Variants in DCST1 observed in about 807,000 individuals in gnomAD.
DCST1 encodes E3 ubiquitin-protein ligase DCST1.
Under a neutral mutation model 89.1 loss-of-function variants are expected in DCST1, and 78 were observed. The ratio of observed to expected loss-of-function variants is 0.88; its 90% CI spans 0.73 to 1.06. The LOEUF is 1.06. DCST1 is among the 50% of genes least tolerant of loss of function. The pLI is 0.00. For missense variants in DCST1, 900 were observed against 928.6 expected, an observed-to-expected ratio of 0.97 and a Z score of 0.40; for synonymous variants, 364 against 371.9, an observed-to-expected ratio of 0.98 and a Z score of 0.24.
chr1:155,040,662 C>A, intron 6 of DCST1, 38 bp downstream of exon 6: 1 of 1,518,474 alleles, frequency 6.6e-7, no homozygotes, highest in South Asian at 1.2e-5. Flanking sequence ...GGGGGTCCCT[C>A]TCCCTGGGGC....
intron 10 of DCST1, among the ~76,000 whole-genome samples, chr1:155,044,881 A>T (rs749258071): frequency 3.9e-5 from 6 of 152,058 alleles, no homozygotes; most frequent in Non-Finnish European, 7.4e-5. Flanking sequence ...GCCCGGGTAG[A>T]GCATGGCAGG....
intron 4 of DCST1, among the ~76,000 whole-genome samples, chr1:155,036,005 G>A (rs1571558095): frequency 8.2e-6 from 1 of 121,528 alleles, no homozygotes; most frequent in South Asian, 2.6e-4. Flanking sequence ...TGAGGCCAGG[G>A]AAAAAGGAAA....
Position 155,046,458 on chromosome 1 carries a change from C to T in DCST1, c.1467C>T (p.His489=), listed in dbSNP as rs900527717. Residue 489 remains histidine (H), a synonymous_variant, in exon 13 of 17, where the codon CAC becomes CAT. Transcript: ENST00000295542. ...ACTCCATCTTCGACACCATCCGCCA[C>T]CACTCCTTCCTGCAGTACTCCTTCC... The part of the protein sequence containing the change: ...ALYSIFDTIR[H]HSFLQYSFRS... 3 of 1,613,974 alleles carry T rather than the reference C, an allele frequency of 1.9e-6. No homozygotes were observed. The highest frequency in any genetic ancestry group is 2.2e-5 in the East Asian group (1 of 44,900).
Position 155,043,498 on chromosome 1 carries a change from G to T in DCST1, c.1161G>T (p.Leu387=). Reference sequence around the variant, plus strand: ...TGCTGCTCTCCTGCACTTTCCTGCTGGTCCTGCATGCGTGAGCCATAGTCC... The same window carrying T: ...TGCTGCTCTCCTGCACTTTCCTGCTTGTCCTGCATGCGTGAGCCATAGTCC... ...LHVLLSCTFL[L]VLHASFSYMD... The change falls in exon 10 of 17, where the codon CTG becomes CTT. Residue 387 remains leucine (L), a synonymous_variant. Transcript: ENST00000295542. 2 of 1,591,280 alleles carry T rather than the reference G, an allele frequency of 1.3e-6. No homozygotes were observed. The highest frequency in any genetic ancestry group is 2.0e-4 in the Middle Eastern group (1 of 5,048).
chr1:155,038,861 C>T (rs1660347494), intron 4 of DCST1, among the ~76,000 whole-genome samples: 1 of 152,262 alleles, frequency 6.6e-6, no homozygotes, highest in African/African-American at 2.4e-5. Flanking sequence ...CAGAAGTTCA[C>T]TGTCTCCTTG....
rs1660703995 is a variant in DCST1 at position 155,047,784 on chromosome 1, T to C, written c.1613-3T>C. 2.5e-6 allele frequency: 4 copies of C among 1,613,228 alleles called. No homozygotes were observed. Among genetic ancestry groups the C allele is most frequent in the Non-Finnish European group, 3.4e-6 (4 of 1,179,936 alleles). ...CCAGACCCCTGGCCTGCCCCTCCCC[T>C]AGCCTGCCTGCCCCAGCCTGTGGGC... On this transcript the variant is annotated splice_polypyrimidine_tract_variant and splice_region_variant and intron_variant, in intron 14 of 16. Coordinates refer to ENST00000295542, the MANE Select transcript of DCST1 (RefSeq NM_152494.4).
rs774473840 is a variant in DCST1, at chr1:155,041,585, T to A, written c.720T>A (p.Tyr240Ter). 1.2e-6 allele frequency: 2 copies of A among 1,613,958 alleles called. No homozygotes were observed. The highest frequency in any genetic ancestry group is 1.7e-6 in the Non-Finnish European group (2 of 1,180,024). Reference sequence around the variant, plus strand: ...TCCACCTGTCGACACAGAAGATGTATGAGCTGAAGACCAAGCTGCGTTGCT... The same window carrying A: ...TCCACCTGTCGACACAGAAGATGTAAGAGCTGAAGACCAAGCTGCGTTGCT... ...SRLHLSTQKM[Y>*]ELKTKLRCSY... Residue 240 changes from tyrosine (Y) to a stop codon, truncating the protein, a stop_gained, in exon 7 of 17, where the codon TAT (tyrosine) becomes TAA (stop). Transcript: ENST00000295542. LOFTEE classifies it high-confidence loss of function.
Position 155,050,915 on chromosome 1 carries a change from A to T in DCST1, c.*47A>T. On this transcript the variant is annotated 3_prime_UTR_variant, in exon 17 of 17. Transcript: ENST00000295542. ...CCGCACCGTCCTTCCCGGTTAATAA[A>T]ATGCCCTGTACGCTTCACGTGGGTC... 1 of 1,590,628 alleles carries T rather than the reference A, an allele frequency of 6.3e-7. No homozygotes were observed. Among genetic ancestry groups the T allele is most frequent in the Non-Finnish European group, 8.6e-7 (1 of 1,164,176 alleles).
chr1:155,049,274 G>A lies in DCST1; in HGVS notation c.1869+1104G>A, dbSNP rs373751506. The A allele has an allele frequency of 8.2e-4, 430 of 525,630 alleles. 9 individuals are homozygous for A. The South Asian group carries it at 0.012, about 15-fold the overall frequency. The allele number at this position is 525,630 out of a possible 1,614,324, so 32.6% of individuals were successfully genotyped here. On this transcript the variant is annotated intron_variant, in intron 16 of 16. Transcript: ENST00000295542. ...ATTAAATGAGTTGTACTTACATGGTGCTGGCATGCAGCAAGTTCCATATGC... is the reference window on the plus strand; with the variant it reads ...ATTAAATGAGTTGTACTTACATGGTACTGGCATGCAGCAAGTTCCATATGC...
chr1:155,041,849 T>C lies in DCST1; in HGVS notation c.884T>C (p.Ile295Thr). The stretch of plus-strand genomic sequence containing the variant: ...ATGAAGTTCAAGTTCTTCTGTGGCA[T>C]TGCCAAGGGTCTGCACAGTTGCAAA... ...LPMKFKFFCGIAKVMEVWCRN... is the reference protein window; with the variant it reads ...LPMKFKFFCGTAKVMEVWCRN... Residue 295 changes from isoleucine to threonine, a missense_variant, in exon 8 of 17, where the codon ATT (isoleucine) becomes ACT (threonine). Ile to Thr is a moderately conservative substitution (Grantham distance 89). Transcript: ENST00000295542. 1 of 1,614,220 alleles carries C rather than the reference T, an allele frequency of 6.2e-7. No individual in the cohort carries two copies. The highest frequency in any genetic ancestry group is 8.5e-7 in the Non-Finnish European group (1 of 1,180,032).
chr1:155,049,361 C>G (rs1660775127), intron 16 of DCST1: 1 of 369,984 alleles, frequency 2.7e-6, no homozygotes, highest in African/African-American at 2.1e-5. Flanking sequence ...AGTTTTCTCA[C>G]CTGAAAAAAA....
In DCST1 at chr1:155,034,687, C is replaced by T. The variant is rs777895634; in HGVS notation, c.222C>T (p.Ile74=). ...LFQLLVNPMN[I]YEEQKIMFLY... ...AGCTCCTGGTGAACCCCATGAACAT[C>T]TACGAAGAACAGAAGATTATGTTCT... The change falls in exon 4 of 17, where the codon ATC becomes ATT. Residue 74 remains isoleucine, a synonymous_variant. Coordinates refer to ENST00000295542, the MANE Select transcript of DCST1 (RefSeq NM_152494.4). 15 of 1,614,112 alleles carry T rather than the reference C, an allele frequency of 9.3e-6. No individual in the cohort carries two copies. Among genetic ancestry groups the T allele is most frequent in the Non-Finnish European group, 1.2e-5 (14 of 1,180,054 alleles).
chr1:155,045,810 C>A, intron 10 of DCST1, 83 bp from the exon 11 acceptor site: 1 of 1,194,236 alleles, frequency 8.4e-7, no homozygotes, highest in Non-Finnish European at 1.2e-6. Flanking sequence ...GGTTGAATGA[C>A]TGTGCCTCAA....
intron 16 of DCST1, among the ~76,000 whole-genome samples, chr1:155,048,826 A>G (rs1660749502): frequency 6.6e-6 from 1 of 152,228 alleles, no homozygotes; most frequent in Non-Finnish European, 1.5e-5. Context: ...CAAAGTTTCT[A>G]CCAGAGGGCT....
chr1:155,039,575 T>C, intron 5 of DCST1, 44 bp downstream of exon 5: 1 of 1,490,992 alleles, frequency 6.7e-7, no homozygotes, highest in Non-Finnish European at 9.0e-7. Flanking sequence ...GCAGTGACCC[T>C]GGGTGGGTCA....
At chr1:155,046,553 C>G (rs1660637636) in intron 13 of DCST1, 67 bp downstream of exon 13, 3 of 1,578,148 alleles carry the variant, frequency 1.9e-6, no homozygotes, top group East Asian at 2.3e-5. Flanking sequence ...AATGCCTGCA[C>G]AGCCACCCCA....
intron 13 of DCST1, 71 bp from the exon 14 acceptor site, chr1:155,047,125 C>A: frequency 8.1e-7 from 1 of 1,231,462 alleles, no homozygotes; most frequent in Non-Finnish European, 1.2e-6. Flanking sequence ...CCCTCCCTGA[C>A]ATCCACCCCC....
At chr1:155,048,221 A>G (rs1173721991) in intron 16 of DCST1, 51 bp downstream of exon 16, 12 of 1,500,774 alleles carry the variant, frequency 8.0e-6, no homozygotes, top group Non-Finnish European at 1.0e-5. Flanking sequence ...GTCTAAGTAC[A>G]GCAGGCAAGG....
At chr1:155,047,711 G>T in intron 14 of DCST1, 76 bp from the exon 15 acceptor site, 1 of 1,367,328 alleles carries the variant, frequency 7.3e-7, no homozygotes, top group Non-Finnish European at 1.0e-6. Context: ...CCTCCCACTG[G>T]GATGGGAAGT....
Sources: gnomAD v4.1 joint callset for allele counts (sites outside exome capture counted in the v4.1 genomes callset) on GRCh38, gnomAD v4.1.1 for gene constraint, MANE v1.5 for transcripts, NCBI Gene and HGNC (gene_info 2026-07-23, HGNC 2026-07-21) for gene names.